Variants in ADGRB3 observed in about 807,000 individuals in gnomAD.
The protein encoded by ADGRB3 is adhesion G protein-coupled receptor B3, also known as brain-specific angiogenesis inhibitor 3.
Under a neutral mutation model 193.4 loss-of-function variants are expected in ADGRB3, and 37 were observed. The ratio of observed to expected loss-of-function variants is 0.19; its 90% CI spans 0.15 to 0.25. The LOEUF is 0.25. Ranked by LOEUF, ADGRB3 falls within the 10% of genes least tolerant of loss-of-function variation. The probability of loss-of-function intolerance (pLI) is 1.00; values close to 1 mark genes in which losing one functional copy is unlikely to be tolerated. For synonymous variants in ADGRB3, 690 were observed against 644.2 expected, an observed-to-expected ratio of 1.07 and a Z score of -1.08; for missense variants, 1,637 against 1,852.9, an observed-to-expected ratio of 0.88 and a Z score of 2.14.
chr6:69,320,948 C>T (rs1180959243), intron 20 of ADGRB3, among the ~76,000 whole-genome samples: 1 of 151,474 alleles, frequency 6.6e-6, no homozygotes, highest in African/African-American at 2.4e-5. Flanking sequence ...CCCCAAATTT[C>T]CTGATTTCTG....
At chr6:68,969,988 T>C (rs1768511009) in intron 8 of ADGRB3, among the ~76,000 whole-genome samples, 1 of 152,206 alleles carries the variant, frequency 6.6e-6, no homozygotes, top group Admixed American at 6.5e-5. Flanking sequence ...ATACTTGGTC[T>C]TACTCTTCTC....
intron 8 of ADGRB3, among the ~76,000 whole-genome samples, chr6:68,965,018 A>G (rs990013699): frequency 6.6e-6 from 1 of 152,218 alleles, no homozygotes; most frequent in Admixed American, 6.5e-5. Flanking sequence ...AACACTAAAC[A>G]CTTTCTGTCT....
intron 16 of ADGRB3, among the ~76,000 whole-genome samples, chr6:69,065,546 A>G (rs928023997): frequency 6.6e-6 from 1 of 152,114 alleles, no homozygotes; most frequent in Non-Finnish European, 1.5e-5. Flanking sequence ...ACTGTTCACT[A>G]AGGGAGGGAA....
At chr6:69,014,196 A>G (rs1444978535) in intron 12 of ADGRB3, 90 bp downstream of exon 12, 1 of 957,812 alleles carries the variant, frequency 1.0e-6, no homozygotes, top group Non-Finnish European at 1.6e-6. Flanking sequence ...TTTCAGGAAA[A>G]CAAGATATTT....
intron 20 of ADGRB3, among the ~76,000 whole-genome samples, chr6:69,245,292 C>T (rs1766476505): frequency 6.6e-6 from 1 of 152,000 alleles, no homozygotes; most frequent in South Asian, 2.1e-4. Flanking sequence ...TCTGACCACT[C>T]GATTTCTCTA....
chr6:68,656,360 G>A (rs1484842221), intron 3 of ADGRB3, among the ~76,000 whole-genome samples: 1 of 151,432 alleles, frequency 6.6e-6, no homozygotes, highest in East Asian at 1.9e-4. Flanking sequence ...AGCAAATTCA[G>A]GCAAGTCACA....
chr6:69,058,984 T>C lies in ADGRB3; in HGVS notation c.2334-3950T>C, dbSNP rs780739345. On this transcript the variant is annotated intron_variant, in intron 15 of 31. Transcript: ENST00000370598. ...CAATTCATCTATAATGTTATTCATG[T>C]CATCTGTTTTCTTATTAATTTTCTG... Among the ~76,000 whole-genome samples, 145 of 152,058 alleles carry C rather than the reference T, an allele frequency of 9.5e-4. 1 individual carries two copies. Among genetic ancestry groups the C allele is most frequent in the Non-Finnish European group, 4.3e-4 (29 of 67,974 alleles).
intron 17 of ADGRB3, among the ~76,000 whole-genome samples, chr6:69,079,744 C>T (rs1772334219): frequency 6.6e-6 from 1 of 152,018 alleles, no homozygotes; most frequent in Non-Finnish European, 1.5e-5. Flanking sequence ...GTGGTGACTA[C>T]ATTTCCTGGA....
intron 17 of ADGRB3, among the ~76,000 whole-genome samples, chr6:69,113,403 A>G (rs1773433007): frequency 6.6e-6 from 1 of 152,082 alleles, no homozygotes; most frequent in African/African-American, 2.4e-5. Flanking sequence ...TATATATCAT[A>G]TATACTCCAC....
chr6:68,987,724 C>A (rs1486188086), intron 10 of ADGRB3, among the ~76,000 whole-genome samples: 2 of 152,118 alleles, frequency 1.3e-5, no homozygotes, highest in Non-Finnish European at 2.9e-5. Flanking sequence ...TAAGTCTCCA[C>A]TCCTTCATCT....
chr6:68,945,322 A>G lies in ADGRB3; in HGVS notation c.1195+1328A>G, dbSNP rs191144099. ...TAACTTATGAGTTAATATTCATACA[A>G]TTATGAATATTAGATGGTCAAAACC... On this transcript the variant is annotated intron_variant, in intron 6 of 31. Transcript: ENST00000370598. Among the ~76,000 whole-genome samples the G allele has an allele frequency of 3.1e-3, 471 of 152,214 alleles. 8 individuals carry two copies. Among genetic ancestry groups the G allele is most frequent in the Non-Finnish European group, 2.3e-3 (153 of 67,994 alleles).
At chr6:68,848,002 A>C (rs1768316381) in intron 3 of ADGRB3, among the ~76,000 whole-genome samples, 1 of 152,136 alleles carries the variant, frequency 6.6e-6, no homozygotes, top group South Asian at 2.1e-4. Flanking sequence ...ATTAAATCTA[A>C]AAAAAGACGT....
intron 20 of ADGRB3, among the ~76,000 whole-genome samples, chr6:69,314,233 CT>C (rs2127301500): frequency 6.6e-6 from 1 of 151,792 alleles, no homozygotes; most frequent in African/African-American, 2.4e-5. Flanking sequence ...TAGATGACAT[CT>C]GTGGAACAGA....
At chr6:68,889,695 G>A (rs1766018465) in intron 3 of ADGRB3, among the ~76,000 whole-genome samples, 1 of 151,712 alleles carries the variant, frequency 6.6e-6, no homozygotes, top group Non-Finnish European at 1.5e-5. Context: ...GTAGAGATGG[G>A]GTTTCACTGT....
At chr6:69,165,637 C>A (rs955569445) in intron 17 of ADGRB3, among the ~76,000 whole-genome samples, 3 of 151,988 alleles carry the variant, frequency 2.0e-5, no homozygotes, top group Admixed American at 2.0e-4. Context: ...TCCCTTATTT[C>A]TTTGGGTTAT....
intron 3 of ADGRB3, among the ~76,000 whole-genome samples, chr6:68,730,712 AT>A (rs1408093305): frequency 1.3e-5 from 2 of 151,696 alleles, no homozygotes; most frequent in African/African-American, 4.8e-5. Flanking sequence ...CAATTCCATA[AT>A]TTTCAACAAC....
At chr6:68,678,226 A>G (rs966186292) in intron 3 of ADGRB3, among the ~76,000 whole-genome samples, 7 of 152,176 alleles carry the variant, frequency 4.6e-5, no homozygotes, top group African/African-American at 1.7e-4. Context: ...TGAATGAATA[A>G]ATAAAGCACT....
chr6:68,890,873 C>T (rs1766054683), intron 3 of ADGRB3, among the ~76,000 whole-genome samples: 1 of 152,116 alleles, frequency 6.6e-6, no homozygotes, highest in Non-Finnish European at 1.5e-5. Flanking sequence ...GAAAGTTTAG[C>T]AGGCGAAAGA....
intron 17 of ADGRB3, among the ~76,000 whole-genome samples, chr6:69,117,064 T>C (rs1773554339): frequency 6.6e-6 from 1 of 152,200 alleles, no homozygotes; most frequent in Non-Finnish European, 1.5e-5. Flanking sequence ...ATATATAACT[T>C]GAATAAAAAT....
Sources: gnomAD v4.1 joint callset for allele counts (sites outside exome capture counted in the v4.1 genomes callset) on GRCh38, gnomAD v4.1.1 for gene constraint, MANE v1.5 for transcripts, NCBI Gene and HGNC (gene_info 2026-07-23, HGNC 2026-07-21) for gene names.